MAML2: variants seen among roughly 807,000 people sequenced by gnomAD.
MAML2 encodes mastermind-like protein 2.
In MAML2, 22 loss-of-function variants were observed where a neutral mutation model predicts 96.1. The ratio of observed to expected loss-of-function variants is 0.23; its 90% CI spans 0.16 to 0.33. The LOEUF is 0.33. Ranked by LOEUF, MAML2 falls within the 10% of genes least tolerant of loss-of-function variation. The pLI is 1.00. For missense variants in MAML2, 1,367 were observed against 1,392.4 expected, an observed-to-expected ratio of 0.98 and a Z score of 0.29; for synonymous variants, 561 against 521.3, an observed-to-expected ratio of 1.08 and a Z score of -1.04.
chr11:96,276,772 A>C (rs1028878129), intron 1 of MAML2, among the ~76,000 whole-genome samples: 5 of 149,474 alleles, frequency 3.3e-5, no homozygotes, highest in African/African-American at 1.2e-4. Flanking sequence ...CCCCATTTTC[A>C]TAATTATTTC....
At position 96,208,257 on chromosome 11, in the gene MAML2, C is replaced by G. The variant is rs531047111; in HGVS notation, c.514-114740G>C. Among the ~76,000 whole-genome samples the G allele has an allele frequency of 2.0e-5, 3 of 152,298 alleles. No homozygotes were observed. The East Asian group carries it at 5.8e-4, about 29-fold the overall frequency. ...TCAAAATTCTTAGCAAAATACATCA[C>G]CTCCTAGCTTCCCAATTACAAAAGC... On this transcript the variant is annotated intron_variant, in intron 1 of 4. Coordinates refer to ENST00000524717, the MANE Select transcript of MAML2 (RefSeq NM_032427.4).
chr11:96,024,246 G>C (rs937235581), intron 2 of MAML2, among the ~76,000 whole-genome samples: 1 of 152,210 alleles, frequency 6.6e-6, no homozygotes, highest in African/African-American at 2.4e-5. Context: ...GCCTGAGTTT[G>C]GAGAAAGAAC....
intron 1 of MAML2, among the ~76,000 whole-genome samples, chr11:96,119,806 T>C (rs557546496): frequency 6.6e-6 from 1 of 152,364 alleles, no homozygotes; most frequent in African/African-American, 2.4e-5. Flanking sequence ...TCATGATTTG[T>C]AATAATTTTA....
chr11:96,113,112 T>C (rs1860159389), intron 1 of MAML2, among the ~76,000 whole-genome samples: 1 of 144,038 alleles, frequency 6.9e-6, no homozygotes, highest in African/African-American at 2.6e-5. Context: ...TTCTAGAAAA[T>C]AGATGGGAAG....
chr11:96,028,756 A>C (rs1858564803), intron 2 of MAML2, among the ~76,000 whole-genome samples: 1 of 152,254 alleles, frequency 6.6e-6, no homozygotes, highest in East Asian at 1.9e-4. Context: ...GAAAAAGGGC[A>C]GAGGGAAATG....
At chr11:96,222,141 C>CT (rs1862149431) in intron 1 of MAML2, among the ~76,000 whole-genome samples, 1 of 152,168 alleles carries the variant, frequency 6.6e-6, no homozygotes, top group Admixed American at 6.5e-5. Flanking sequence ...GGTCCATCAG[C>CT]TGAGCCTGGT....
intron 1 of MAML2, among the ~76,000 whole-genome samples, chr11:96,338,517 A>G (rs573345413): frequency 8.5e-5 from 13 of 152,366 alleles, no homozygotes; most frequent in African/African-American, 3.1e-4. Context: ...CTTGCTGTAT[A>G]ATACCCATGA....
chr11:96,224,617 T>C (rs2135949544), intron 1 of MAML2, among the ~76,000 whole-genome samples: 1 of 152,346 alleles, frequency 6.6e-6, no homozygotes, highest in South Asian at 2.1e-4. Context: ...GTGAGCTTCA[T>C]ATCATATTAA....
At chr11:96,161,261 C>T (rs1183186895) in intron 1 of MAML2, among the ~76,000 whole-genome samples, 1 of 152,186 alleles carries the variant, frequency 6.6e-6, no homozygotes, top group Non-Finnish European at 1.5e-5. Flanking sequence ...AATTAAATTT[C>T]CTCAGCCTCC....
chr11:96,119,427 G>A (rs1355654876), intron 1 of MAML2, among the ~76,000 whole-genome samples: 1 of 152,180 alleles, frequency 6.6e-6, no homozygotes. Context: ...GAACAGACCT[G>A]GAAACAGGTT....
intron 1 of MAML2, among the ~76,000 whole-genome samples, chr11:96,136,029 G>C (rs1019443283): frequency 6.6e-6 from 1 of 152,146 alleles, no homozygotes; most frequent in African/African-American, 2.4e-5. Flanking sequence ...GCACCAAGCC[G>C]ACCTGCACTG....
chr11:95,991,895 A>G (rs545424174), intron 2 of MAML2, among the ~76,000 whole-genome samples, 172 bp from the exon 3 acceptor site: 2 of 152,362 alleles, frequency 1.3e-5, no homozygotes, highest in East Asian at 1.9e-4. Context: ...AAATAATTGC[A>G]TAACACAGCA....
At chr11:96,166,680 T>C (rs963311496) in intron 1 of MAML2, among the ~76,000 whole-genome samples, 4 of 152,210 alleles carry the variant, frequency 2.6e-5, no homozygotes, top group African/African-American at 9.6e-5. Flanking sequence ...CTGTCACAGG[T>C]GAAGGAGGGC....
chr11:96,140,427 G>T (rs557678758), intron 1 of MAML2, among the ~76,000 whole-genome samples: 74 of 152,266 alleles, frequency 4.9e-4, no homozygotes, highest in African/African-American at 1.7e-3. Context: ...TTGGGCTAAG[G>T]CACAGCCCTT....
At chr11:96,046,661 A>G (rs1260394363) in intron 2 of MAML2, among the ~76,000 whole-genome samples, 1 of 152,182 alleles carries the variant, frequency 6.6e-6, no homozygotes, top group African/African-American at 2.4e-5. Flanking sequence ...GAAACAGAGC[A>G]AAGGCCCAGG....
In MAML2 at chr11:96,217,982, T is replaced by C. The variant is rs535760224; in HGVS notation, c.513+123401A>G. Among the ~76,000 whole-genome samples the C allele has an allele frequency of 6.6e-5, 10 of 152,310 alleles. No homozygotes were observed. The East Asian group carries it at 1.2e-3, about 18-fold the overall frequency. On this transcript the variant is annotated intron_variant, in intron 1 of 4. Transcript: ENST00000524717. ...TCTAAATGTGATTTAAAATCCCCCCTTCAAGACTCCAATTTACCTTTCATG... is the reference window on the plus strand; with the variant it reads ...TCTAAATGTGATTTAAAATCCCCCCCTCAAGACTCCAATTTACCTTTCATG...
Position 96,341,885 on chromosome 11 carries a change from G to A in MAML2, c.11C>T (p.Thr4Ile), listed in dbSNP as rs1278925288. The A allele has an allele frequency of 9.8e-6, 15 of 1,530,040 alleles. No individual in the cohort carries two copies. The Middle Eastern group carries it at 8.6e-4, about 87-fold the overall frequency. The allele number at this position is 1,530,040 out of a possible 1,614,324, so 94.8% of individuals were successfully genotyped here. ...TCCTGCGGGGGCCTGCGGGGGCGCT[G>A]TGTCCCCCATCTTACCGGACACAAT... Reference protein sequence around the residue: MGDTAPPQAPAGGL... With the variant: MGDIAPPQAPAGGL... The change falls in exon 1 of 5, where the codon ACA (threonine) becomes ATA (isoleucine). Residue 4 changes from threonine to isoleucine, a missense_variant. Thr to Ile is a moderately conservative substitution (Grantham distance 89, BLOSUM62 -1). Transcript: ENST00000524717.
intron 2 of MAML2, among the ~76,000 whole-genome samples, chr11:95,993,982 G>A (rs922171247): frequency 2.0e-5 from 3 of 152,282 alleles, no homozygotes; most frequent in Non-Finnish European, 2.9e-5. Context: ...AGATCACATA[G>A]CTGTAAGTGG....
chr11:96,206,529 C>A (rs1565248516), intron 1 of MAML2, among the ~76,000 whole-genome samples: 1 of 152,114 alleles, frequency 6.6e-6, no homozygotes, highest in Non-Finnish European at 1.5e-5. Context: ...ACCCAGGAGG[C>A]GGAGGTTGCA....
Sources: allele counts gnomAD v4.1 joint callset (sites outside exome capture counted in the v4.1 genomes callset), GRCh38; gene constraint gnomAD v4.1.1; transcripts MANE v1.5; gene names NCBI Gene and HGNC (gene_info 2026-07-23, HGNC 2026-07-21).